ARHGAP8: variants seen among roughly 807,000 people sequenced by gnomAD.
ARHGAP8 encodes Rho GTPase activating protein 8.
Under a neutral mutation model 46.1 loss-of-function variants are expected in ARHGAP8, and 62 were observed. That is an observed-to-expected ratio of 1.34 (90% CI 1.10 to 1.66). The LOEUF (loss-of-function observed/expected upper bound fraction) is 1.66. Among genes scored for constraint, ARHGAP8 ranks in the 40% most tolerant of loss-of-function variants. The pLI is 0.00. For synonymous variants in ARHGAP8, 375 were observed against 243.1 expected (o/e 1.54, Z -5.05); for missense variants, 923 against 568.4 (o/e 1.62, Z -6.34).
intron 7 of ARHGAP8, among the ~76,000 whole-genome samples, chr22:44,829,819 G>C (rs530402339): frequency 1.3e-5 from 2 of 152,124 alleles, no homozygotes; most frequent in Non-Finnish European, 2.9e-5. Context: ...TATCACCTTA[G>C]AATGAGCTAA....
In ARHGAP8 at chr22:44,860,213, G is replaced by A. The variant is rs192733639; in HGVS notation, c.981+379G>A. Among the ~76,000 whole-genome samples the A allele has an allele frequency of 4.4e-3, 667 of 150,206 alleles. 2 individuals carry two copies. The highest frequency in any genetic ancestry group is 0.015 in the African/African-American group (638 of 41,404). On this transcript the variant is annotated intron_variant, in intron 11 of 11. Transcript: ENST00000356099. ...CAGTGGACTGAGCTGACCATTCCTG[G>A]GGAAGGGATACACCCAGAACCACGT...
intron 1 of ARHGAP8, among the ~76,000 whole-genome samples, chr22:44,770,042 GAGACCATCCTGGCC>G (rs1925883038): frequency 6.6e-6 from 1 of 152,098 alleles, no homozygotes; most frequent in Non-Finnish European, 1.5e-5. Flanking sequence ...TCAGGAGTTT[GAGACCATCCTGGCC>G]AACATGGTGA....
At position 44,862,690 on chromosome 22, in the gene ARHGAP8, A is replaced by C. The variant is rs916581702; in HGVS notation, c.*95A>C. 2.4e-5 allele frequency: 33 copies of C among 1,401,714 alleles called. No individual in the cohort carries two copies. In the African/African-American group the frequency reaches 3.0e-4, roughly 13 times the overall value. 86.8% of individuals were successfully genotyped at this position (1,401,714 alleles called of 1,614,324 possible). A position where few individuals can be genotyped will look rare whatever the true frequency, so the allele number is the denominator to read the frequency against. On this transcript the variant is annotated 3_prime_UTR_variant, in exon 12 of 12. Coordinates refer to ENST00000356099, the MANE Select transcript of ARHGAP8 (RefSeq NM_181335.3). ...TTGGCATCTGTAAAAATAACCAGCC[A>C]TTAGATGAATTCAGAACCTTCTAAT...
At chr22:44,815,958 GGT>G (rs1228333593) in intron 5 of ARHGAP8, among the ~76,000 whole-genome samples, 2 of 152,162 alleles carry the variant, frequency 1.3e-5, no homozygotes, top group African/African-American at 4.8e-5. Flanking sequence ...GGAGGGCGCA[GGT>G]GTGCACCAGA....
At chr22:44,819,493 G>A (rs746221520) in intron 5 of ARHGAP8, among the ~76,000 whole-genome samples, 19 of 152,290 alleles carry the variant, frequency 1.2e-4, no homozygotes, top group East Asian at 9.7e-4. Flanking sequence ...CCAATATGGC[G>A]AAACCCTATC....
At chr22:44,791,160 G>A (rs1023464890) in intron 2 of ARHGAP8, among the ~76,000 whole-genome samples, 5 of 145,384 alleles carry the variant, frequency 3.4e-5, no homozygotes, top group Non-Finnish European at 6.1e-5. Context: ...AAGAGGACCT[G>A]CCAGGGTTTA....
chr22:44,756,995 G>A (rs889462249), intron 1 of ARHGAP8, among the ~76,000 whole-genome samples: 10 of 151,838 alleles, frequency 6.6e-5, no homozygotes, highest in Non-Finnish European at 1.3e-4. Context: ...AGCTCACTGC[G>A]GCCTCGAACT....
chr22:44,859,350 C>T (rs1159277960), intron 10 of ARHGAP8, among the ~76,000 whole-genome samples: 1 of 152,042 alleles, frequency 6.6e-6, no homozygotes, highest in African/African-American at 2.4e-5. Flanking sequence ...GCATGTGGCA[C>T]CTCTGTCCCA....
intron 1 of ARHGAP8, among the ~76,000 whole-genome samples, chr22:44,785,373 C>T (rs1331212636): frequency 6.6e-6 from 1 of 152,134 alleles, no homozygotes; most frequent in African/African-American, 2.4e-5. Flanking sequence ...GTCAAGGTGT[C>T]TGCAGAGCTG....
At chr22:44,838,380 C>A (rs1931431031) in intron 7 of ARHGAP8, among the ~76,000 whole-genome samples, 1 of 152,174 alleles carries the variant, frequency 6.6e-6, no homozygotes, top group African/African-American at 2.4e-5. Context: ...TCGTGATCTG[C>A]CCATGTCTGC....
chr22:44,861,799 G>T (rs544210669), intron 11 of ARHGAP8, among the ~76,000 whole-genome samples: 1 of 152,176 alleles, frequency 6.6e-6, no homozygotes, highest in Non-Finnish European at 1.5e-5. Context: ...GGTTGCACGT[G>T]TTGGCGGAGA....
chr22:44,818,092 C>T (rs746521223), intron 5 of ARHGAP8, among the ~76,000 whole-genome samples: 14 of 151,990 alleles, frequency 9.2e-5, no homozygotes, highest in East Asian at 1.9e-4. Flanking sequence ...CCAGCCTGGG[C>T]GACAGAGTCA....
intron 7 of ARHGAP8, among the ~76,000 whole-genome samples, chr22:44,832,968 A>AACACAC (rs56982617): frequency 2.0e-5 from 3 of 149,550 alleles, no homozygotes; most frequent in Admixed American, 6.7e-5. Context: ...GTCTATTAAA[A>AACACAC]ACACACACAC....
At chr22:44,820,960 G>A (rs1161411298) in intron 5 of ARHGAP8, among the ~76,000 whole-genome samples, 1 of 152,022 alleles carries the variant, frequency 6.6e-6, no homozygotes. Flanking sequence ...CGTATTTTTT[G>A]TTTTTGCCAC....
chr22:44,758,032 G>A (rs753626857), intron 1 of ARHGAP8, among the ~76,000 whole-genome samples: 10 of 152,126 alleles, frequency 6.6e-5, no homozygotes, highest in Non-Finnish European at 1.0e-4. Flanking sequence ...GTCACAGAGG[G>A]AGTCGGAACA....
chr22:44,838,140 A>ATTTTTTTT (rs61131873), intron 7 of ARHGAP8, among the ~76,000 whole-genome samples: 9 of 143,502 alleles, frequency 6.3e-5, no homozygotes, highest in Non-Finnish European at 7.6e-5. Flanking sequence ...TGCCTGGCTA[A>ATTTTTTTT]TTTTTTTTTT....
intron 10 of ARHGAP8, among the ~76,000 whole-genome samples, chr22:44,855,235 G>C (rs1476384077): frequency 6.6e-6 from 1 of 151,762 alleles, no homozygotes; most frequent in Non-Finnish European, 1.5e-5. Context: ...TTTTTTTTAA[G>C]ACAGGGTCTC....
chr22:44,858,296 T>G (rs1197743622), intron 10 of ARHGAP8, among the ~76,000 whole-genome samples: 1 of 151,264 alleles, frequency 6.6e-6, no homozygotes, highest in Non-Finnish European at 1.5e-5. Context: ...TGTGGCTGAG[T>G]GCACACATGT....
chr22:44,794,538 A>G (rs2349852), intron 2 of ARHGAP8, among the ~76,000 whole-genome samples: 34,643 of 151,824 alleles, frequency 0.23, 4,532 homozygotes, highest in East Asian at 0.44. Context: ...GCGAAACCTC[A>G]TCTCTACTAA....
Sources: gnomAD v4.1 joint callset for allele counts (sites outside exome capture counted in the v4.1 genomes callset) on GRCh38, gnomAD v4.1.1 for gene constraint, MANE v1.5 for transcripts, NCBI Gene and HGNC (gene_info 2026-07-23, HGNC 2026-07-21) for gene names.